The following DLGAP2 variants were observed in gnomAD, a reference collection of about 807,000 sequenced individuals.
The protein encoded by DLGAP2 is DLG associated protein 2.
A neutral mutation model predicts 100.3 loss-of-function variants in DLGAP2; 26 were observed. The observed-to-expected ratio is 0.26, with a 90% CI of 0.19 to 0.36. The LOEUF (loss-of-function observed/expected upper bound fraction) is 0.36, where lower values mean the gene tolerates loss of function less well. Among genes scored for constraint, DLGAP2 ranks in the 10% least tolerant of loss-of-function variants. The pLI is 1.00. For missense variants in DLGAP2, 1,858 were observed against 1,453.2 expected (o/e 1.28, Z -4.53); for synonymous variants, 886 against 630.1 (o/e 1.41, Z -6.08).
At chr8:1,345,161 T>G (rs1801525648) in intron 3 of DLGAP2, among the ~76,000 whole-genome samples, 1 of 152,228 alleles carries the variant, frequency 6.6e-6, no homozygotes, top group South Asian at 2.1e-4. Flanking sequence ...CCAAGGAAAT[T>G]CATTAGGGCC....
At chr8:866,335 T>G (rs1105743) in intron 1 of DLGAP2, among the ~76,000 whole-genome samples, 1 of 152,202 alleles carries the variant, frequency 6.6e-6, no homozygotes, top group East Asian at 1.9e-4. Context: ...GCGTGGGGCA[T>G]GTGCTCTGTG....
At chr8:1,523,945 A>AAAAC (rs1214202790) in intron 4 of DLGAP2, among the ~76,000 whole-genome samples, 2 of 152,158 alleles carry the variant, frequency 1.3e-5, no homozygotes, top group African/African-American at 2.4e-5. Context: ...ATCTGTGGGG[A>AAAAC]AAACAAACAT....
intron 2 of DLGAP2, among the ~76,000 whole-genome samples, chr8:1,172,574 T>C (rs996617110): frequency 6.6e-6 from 1 of 152,180 alleles, no homozygotes; most frequent in African/African-American, 2.4e-5. Flanking sequence ...TTGGAGGCTT[T>C]GTTCGTTTCT....
chr8:1,547,796 G>C (rs750745755), intron 4 of DLGAP2, among the ~76,000 whole-genome samples: 1 of 152,124 alleles, frequency 6.6e-6, no homozygotes, highest in Non-Finnish European at 1.5e-5. Flanking sequence ...GATTCCTCTG[G>C]GGAAGGAGGC....
At chr8:1,048,031 A>C (rs953846176) in intron 2 of DLGAP2, among the ~76,000 whole-genome samples, 4 of 152,044 alleles carry the variant, frequency 2.6e-5, no homozygotes, top group African/African-American at 9.7e-5. Context: ...GTGGTATTTG[A>C]CCCGACTGTG....
chr8:1,588,738 TAAAAAAAAAAAAAAAA>T (rs11358700), intron 6 of DLGAP2, among the ~76,000 whole-genome samples: 6 of 91,474 alleles, frequency 6.6e-5, no homozygotes, highest in African/African-American at 8.8e-5. Flanking sequence ...CTGTCTTTAC[TAAAAAAAAAAAAAAAA>T]AAAAAAAAGG....
chr8:1,065,952 G>A (rs1008317070), intron 2 of DLGAP2, among the ~76,000 whole-genome samples: 2 of 152,218 alleles, frequency 1.3e-5, no homozygotes, highest in African/African-American at 2.4e-5. Flanking sequence ...GCCCTCAGAG[G>A]AGACACTGCC....
chr8:1,600,370 G>T (rs745307327), intron 6 of DLGAP2, among the ~76,000 whole-genome samples: 9 of 152,098 alleles, frequency 5.9e-5, no homozygotes, highest in Admixed American at 3.9e-4. Context: ...TCTTCTCAAG[G>T]AGTAACTTTG....
At chr8:1,118,316 T>C (rs1304838117) in intron 2 of DLGAP2, among the ~76,000 whole-genome samples, 2 of 152,204 alleles carry the variant, frequency 1.3e-5, no homozygotes, top group African/African-American at 2.4e-5. Context: ...CCCCGTAGTG[T>C]GTGAGCAGAG....
intron 2 of DLGAP2, among the ~76,000 whole-genome samples, chr8:1,007,692 G>A (rs1563140908): frequency 6.6e-6 from 1 of 151,766 alleles, no homozygotes. Flanking sequence ...TTAGGAGTCA[G>A]CAGTAGCAAT....
rs535054952 is a variant in DLGAP2, at chr8:1,223,562, G to T, written c.74-35289G>T. On this transcript the variant is annotated intron_variant, in intron 2 of 14. Coordinates refer to ENST00000637795, the MANE Select transcript of DLGAP2 (RefSeq NM_001346810.2). ...TTGAAAGAATGGTTTGACCAGGGTT[G>T]TTGATCTTCACTTTCTCTTTTTTAA... 3.3e-5 allele frequency among the ~76,000 whole-genome samples: 5 copies of T among 152,342 alleles called. No individual in the cohort carries two copies. In the South Asian group the frequency reaches 1.0e-3, roughly 32 times the overall value.
At chr8:1,161,495 T>C (rs368685858) in intron 2 of DLGAP2, among the ~76,000 whole-genome samples, 46 of 152,278 alleles carry the variant, frequency 3.0e-4, no homozygotes, top group African/African-American at 4.8e-4. Context: ...ACAAATTCTG[T>C]TGGGATGTGT....
intron 2 of DLGAP2, among the ~76,000 whole-genome samples, chr8:1,059,593 T>G (rs2129034780): frequency 6.6e-6 from 1 of 152,254 alleles, no homozygotes; most frequent in East Asian, 1.9e-4. Flanking sequence ...CAGGGGTGTG[T>G]TCATGGCTTT....
intron 4 of DLGAP2, among the ~76,000 whole-genome samples, chr8:1,507,106 C>A (rs1214717187): frequency 6.6e-6 from 1 of 152,252 alleles, no homozygotes; most frequent in Non-Finnish European, 1.5e-5. Flanking sequence ...CTGGCTTCAC[C>A]TAGCGGATCC....
intron 2 of DLGAP2, among the ~76,000 whole-genome samples, chr8:928,261 A>G (rs557812087): frequency 2.6e-5 from 4 of 152,274 alleles, no homozygotes; most frequent in South Asian, 4.1e-4. Context: ...TGCGTTCACT[A>G]GGTGTCCTGG....
intron 3 of DLGAP2, among the ~76,000 whole-genome samples, chr8:1,333,955 G>A (rs962665004): frequency 6.6e-6 from 1 of 152,230 alleles, no homozygotes; most frequent in Non-Finnish European, 1.5e-5. Context: ...CGGTGGCACA[G>A]GGGCCAACAC....
At chr8:1,452,208 A>G (rs181757173) in intron 3 of DLGAP2, among the ~76,000 whole-genome samples, 5 of 152,046 alleles carry the variant, frequency 3.3e-5, no homozygotes, top group Non-Finnish European at 5.9e-5. Context: ...CTCTGTGGCC[A>G]TGTGTTCTGT....
At chr8:1,528,230 C>T (rs1002508429) in intron 4 of DLGAP2, among the ~76,000 whole-genome samples, 2 of 152,174 alleles carry the variant, frequency 1.3e-5, no homozygotes, top group African/African-American at 4.8e-5. Context: ...CTTTCCTCCT[C>T]AGGCCACTGG....
chr8:1,155,876 C>G (rs1245511150), intron 2 of DLGAP2, among the ~76,000 whole-genome samples: 3 of 152,114 alleles, frequency 2.0e-5, no homozygotes, highest in African/African-American at 7.2e-5. Flanking sequence ...GAAGGACGCG[C>G]TGTCTGCATC....
Sources: gnomAD v4.1 joint callset for allele counts (sites outside exome capture counted in the v4.1 genomes callset) on GRCh38, gnomAD v4.1.1 for gene constraint, MANE v1.5 for transcripts, NCBI Gene and HGNC (gene_info 2026-07-23, HGNC 2026-07-21) for gene names.